Variants in NCKAP5 observed in about 807,000 individuals in gnomAD.
NCKAP5 encodes the protein nck-associated protein 5.
Under a neutral mutation model 167.0 loss-of-function variants are expected in NCKAP5, and 92 were observed. That is an observed-to-expected ratio of 0.55 (90% CI 0.47 to 0.66). The LOEUF (loss-of-function observed/expected upper bound fraction) is 0.66, where lower values mean the gene tolerates loss of function less well. Ranked by LOEUF, NCKAP5 falls within the 30% of genes least tolerant of loss-of-function variation. NCKAP5 has a pLI of 0.00. For synonymous variants in NCKAP5, 891 were observed against 877.4 expected, an observed-to-expected ratio of 1.02 and a Z score of -0.27; for missense variants, 2,378 against 2,315.0, an observed-to-expected ratio of 1.03 and a Z score of -0.56.
chr2:133,310,531 C>T (rs1681158680), intron 3 of NCKAP5, among the ~76,000 whole-genome samples: 1 of 152,236 alleles, frequency 6.6e-6, no homozygotes, highest in South Asian at 2.1e-4. Flanking sequence ...TACTCTCCCT[C>T]CCTGGTATTC....
At chr2:132,753,123 G>A (rs369600516) in intron 16 of NCKAP5, among the ~76,000 whole-genome samples, 3 of 152,138 alleles carry the variant, frequency 2.0e-5, no homozygotes, top group African/African-American at 4.8e-5. Context: ...CTGGGCACCC[G>A]ATGGCCCAGT....
the NCKAP5 span, among the ~76,000 whole-genome samples, chr2:133,579,259 TAGC>T: frequency 6.6e-6 from 1 of 152,234 alleles, no homozygotes; most frequent in South Asian, 2.1e-4. Context: ...TTTTAAACTC[TAGC>T]AACTGTCTCT....
chr2:132,922,364 C>A (rs1012747451), intron 8 of NCKAP5, among the ~76,000 whole-genome samples: 2 of 152,152 alleles, frequency 1.3e-5, no homozygotes, highest in Non-Finnish European at 2.9e-5. Context: ...AAGAGCCAGG[C>A]TTTTCCAGTA....
chr2:133,258,208 T>G (rs953536815), intron 4 of NCKAP5, among the ~76,000 whole-genome samples: 3 of 152,174 alleles, frequency 2.0e-5, no homozygotes, highest in African/African-American at 7.2e-5. Flanking sequence ...TGGAATACCC[T>G]TGGAGCACCT....
rs568139630 is a variant in NCKAP5, at chr2:133,482,776, C to A, written c.69+34682G>T. Among the ~76,000 whole-genome samples, 4 of 152,124 alleles carry A rather than the reference C, an allele frequency of 2.6e-5. No homozygotes were observed. In the South Asian group the frequency reaches 8.3e-4, roughly 32 times the overall value. ...TTCCCACCAACAGTGTAATAGAGTT[C>A]CCTTTTCTCTGAATCCTTACCAACA... On this transcript the variant is annotated intron_variant, in intron 3 of 19. Transcript: ENST00000409261.
intron 18 of NCKAP5, among the ~76,000 whole-genome samples, chr2:132,728,380 C>T (rs186712887): frequency 5.9e-5 from 9 of 152,222 alleles, no homozygotes; most frequent in East Asian, 3.9e-4. Flanking sequence ...TTGACCACAC[C>T]GAGCATCTGA....
At chr2:133,308,688 TC>T (rs375368945) in intron 3 of NCKAP5, among the ~76,000 whole-genome samples, 27 of 138,028 alleles carry the variant, frequency 2.0e-4, no homozygotes, top group African/African-American at 6.5e-4. Flanking sequence ...GAAATACAAT[TC>T]TTTTTTTTTT....
intron 8 of NCKAP5, among the ~76,000 whole-genome samples, chr2:132,937,836 C>T (rs1696973762): frequency 6.6e-6 from 1 of 152,224 alleles, no homozygotes; most frequent in Non-Finnish European, 1.5e-5. Flanking sequence ...AAAGTAACTA[C>T]TCTCTAGGGA....
chr2:132,753,020 C>T (rs1680243737), intron 16 of NCKAP5, among the ~76,000 whole-genome samples: 1 of 152,188 alleles, frequency 6.6e-6, no homozygotes. Context: ...CATAAGAAGG[C>T]ACCATCTGAT....
intron 19 of NCKAP5, among the ~76,000 whole-genome samples, chr2:132,706,767 G>T (rs1002350874): frequency 1.3e-5 from 2 of 152,100 alleles, no homozygotes; most frequent in African/African-American, 4.8e-5. Flanking sequence ...TGACATGAAA[G>T]AATGAATAAG....
intron 6 of NCKAP5, among the ~76,000 whole-genome samples, chr2:133,128,291 G>A (rs2082468650): frequency 6.6e-6 from 1 of 152,188 alleles, no homozygotes; most frequent in African/African-American, 2.4e-5. Context: ...ATAATCTCAG[G>A]AGAGAAAAGT....
chr2:133,570,660 G>C (rs145740230), upstream of NCKAP5, among the ~76,000 whole-genome samples: 383 of 152,294 alleles, frequency 2.5e-3, no homozygotes, highest in Non-Finnish European at 4.3e-3. Context: ...GTGCAATCCT[G>C]TTTGACAAAT....
At chr2:133,068,130 T>C (rs113813409) in intron 6 of NCKAP5, among the ~76,000 whole-genome samples, 2,026 of 152,236 alleles carry the variant, frequency 0.013, 43 homozygotes, top group African/African-American at 0.046. Flanking sequence ...TCCACTCTAG[T>C]AGTAGATGCA....
chr2:133,333,052 T>C (rs915294370), intron 3 of NCKAP5, among the ~76,000 whole-genome samples: 1 of 152,278 alleles, frequency 6.6e-6, no homozygotes, highest in Admixed American at 6.5e-5. Flanking sequence ...GAAATAATTA[T>C]GAATCTAAAA....
intron 2 of NCKAP5, among the ~76,000 whole-genome samples, chr2:133,549,373 A>G (rs1257305606): frequency 6.9e-6 from 1 of 145,864 alleles, no homozygotes; most frequent in Admixed American, 6.9e-5. Flanking sequence ...AATGTAAAAG[A>G]ACAGAAATTA....
chr2:132,724,359 G>A (rs776015766), intron 19 of NCKAP5, among the ~76,000 whole-genome samples: 30 of 152,136 alleles, frequency 2.0e-4, no homozygotes, highest in Non-Finnish European at 4.1e-4. Context: ...CTCACTGCTG[G>A]AAAACTGGCT....
At chr2:133,368,787 T>C (rs1343274333) in intron 3 of NCKAP5, among the ~76,000 whole-genome samples, 2 of 152,194 alleles carry the variant, frequency 1.3e-5, no homozygotes, top group Non-Finnish European at 2.9e-5. Context: ...GCAAATCCTT[T>C]TGGAAGTGGG....
Position 133,520,742 on chromosome 2 carries a change from CAAATGG to C in NCKAP5, c.-61-3161_-61-3156del, listed in dbSNP as rs370190957. On this transcript the variant is annotated intron_variant, in intron 2 of 19. Transcript: ENST00000409261. Reference sequence around the variant, plus strand: ...GTGGAAAGCTGATTTAACAGCTTTCCAAATGGATTTGGTCCATTTCTTTTCATATTA... The same window carrying C: ...GTGGAAAGCTGATTTAACAGCTTTCCATTTGGTCCATTTCTTTTCATATTA... Among the ~76,000 whole-genome samples, 95 of 152,136 alleles carry C rather than the reference CAAATGG, an allele frequency of 6.2e-4. 1 individual carries two copies. The highest frequency in any genetic ancestry group is 2.2e-3 in the African/African-American group (92 of 41,500).
At chr2:133,420,689 G>A (rs1425772904) in intron 3 of NCKAP5, among the ~76,000 whole-genome samples, 3 of 152,156 alleles carry the variant, frequency 2.0e-5, no homozygotes, top group East Asian at 1.9e-4. Flanking sequence ...GAGCTGCTAC[G>A]GGCCAGGTAG....
Sources: gnomAD v4.1 joint callset for allele counts (sites outside exome capture counted in the v4.1 genomes callset) on GRCh38, gnomAD v4.1.1 for gene constraint, MANE v1.5 for transcripts, NCBI Gene and HGNC (gene_info 2026-07-23, HGNC 2026-07-21) for gene names.